The following NRG3 variants were observed in gnomAD, a reference collection of about 807,000 sequenced individuals.
The protein encoded by NRG3 is pro-neuregulin-3, membrane-bound isoform.
In NRG3, 31 loss-of-function variants were observed where a neutral mutation model predicts 66.9. The ratio of observed to expected loss-of-function variants is 0.46; its 90% CI spans 0.35 to 0.63. The LOEUF (loss-of-function observed/expected upper bound fraction) is 0.63, where lower values mean the gene tolerates loss of function less well. NRG3 is among the 20% of genes least tolerant of loss of function. NRG3 has a pLI of 0.00. For synonymous variants in NRG3, 393 were observed against 359.4 expected, an observed-to-expected ratio of 1.09 and a Z score of -1.06; for missense variants, 910 against 878.9, an observed-to-expected ratio of 1.04 and a Z score of -0.45.
At position 82,486,202 on chromosome 10, in the gene NRG3, A is replaced by G. The variant is rs555585092; in HGVS notation, c.953+127334A>G. On this transcript the variant is annotated intron_variant, in intron 2 of 8. Transcript: ENST00000372141. ...GGAGAAATTGGAACCCTTGTATATTATTGGTGGGACTGTAAAATAGTGCAG... is the reference window on the plus strand; with the variant it reads ...GGAGAAATTGGAACCCTTGTATATTGTTGGTGGGACTGTAAAATAGTGCAG... Among the ~76,000 whole-genome samples, 420 of 152,342 alleles carry G rather than the reference A, an allele frequency of 2.8e-3. 1 individual carries two copies. The highest frequency in any genetic ancestry group is 9.7e-3 in the African/African-American group (402 of 41,588).
chr10:81,884,579 A>T (rs935986286), intron 1 of NRG3, among the ~76,000 whole-genome samples: 1 of 152,240 alleles, frequency 6.6e-6, no homozygotes, highest in African/African-American at 2.4e-5. Flanking sequence ...AATAAGAAAC[A>T]AGTATAGTAT....
chr10:81,986,466 T>G (rs893353922), intron 1 of NRG3, among the ~76,000 whole-genome samples: 1 of 152,058 alleles, frequency 6.6e-6, no homozygotes, highest in South Asian at 2.1e-4. Flanking sequence ...TTAGTACAAA[T>G]CATGAAACCT....
In NRG3 at chr10:82,545,377, ATT is replaced by A. The variant is rs745968047; in HGVS notation, c.953+186527_953+186528del. ...TTTTTAAAGTAATCTTGCTAATAGC[ATT>A]TTTTTTTTTTTTTTTTTGAGACGGA... On this transcript the variant is annotated intron_variant, in intron 2 of 8. Coordinates refer to ENST00000372141, the MANE Select transcript of NRG3 (RefSeq NM_001010848.4). Among the ~76,000 whole-genome samples the A allele has an allele frequency of 9.1e-3, 1,188 of 130,892 alleles. 14 individuals carry two copies. The highest frequency in any genetic ancestry group is 0.03 in the African/African-American group (1,012 of 33,798). The allele number at this position is 130,892 out of a possible 152,430, so 85.9% of individuals were successfully genotyped here.
At chr10:82,071,822 G>T (rs2064821595) in intron 1 of NRG3, among the ~76,000 whole-genome samples, 1 of 152,178 alleles carries the variant, frequency 6.6e-6, no homozygotes, top group Admixed American at 6.5e-5. Context: ...AAAAGATGTT[G>T]GGAATGTGAG....
chr10:82,700,714 T>C (rs1049385774), intron 2 of NRG3, among the ~76,000 whole-genome samples: 1 of 152,124 alleles, frequency 6.6e-6, no homozygotes, highest in Non-Finnish European at 1.5e-5. Flanking sequence ...ATGCTTTTGT[T>C]TTTTCAAAGT....
chr10:82,295,550 A>G (rs1052375211), intron 1 of NRG3, among the ~76,000 whole-genome samples: 1 of 152,176 alleles, frequency 6.6e-6, no homozygotes, highest in African/African-American at 2.4e-5. Context: ...GTCGTCTTCC[A>G]TACCGCTGGA....
intron 1 of NRG3, among the ~76,000 whole-genome samples, chr10:82,262,319 G>T (rs1012044504): frequency 6.6e-6 from 1 of 152,134 alleles, no homozygotes; most frequent in Non-Finnish European, 1.5e-5. Flanking sequence ...CATGTTTTAT[G>T]CTTCGATTTG....
At chr10:82,773,739 T>C (rs1565300291) in intron 3 of NRG3, among the ~76,000 whole-genome samples, 1 of 152,180 alleles carries the variant, frequency 6.6e-6, no homozygotes, top group African/African-American at 2.4e-5. Flanking sequence ...TCCAGTACTA[T>C]GTTGAATAGA....
At chr10:82,787,685 C>T (rs2060425290) in intron 3 of NRG3, among the ~76,000 whole-genome samples, 1 of 152,168 alleles carries the variant, frequency 6.6e-6, no homozygotes, top group Non-Finnish European at 1.5e-5. Context: ...TTTTGCAGAT[C>T]CCTGGAGTCC....
intron 2 of NRG3, among the ~76,000 whole-genome samples, chr10:82,598,011 T>G (rs1166770040): frequency 6.6e-6 from 1 of 152,168 alleles, no homozygotes; most frequent in Non-Finnish European, 1.5e-5. Flanking sequence ...TAACATGTGA[T>G]TTGTGATCTT....
chr10:82,721,130 T>C (rs1287726456), intron 2 of NRG3, among the ~76,000 whole-genome samples: 3 of 105,434 alleles, frequency 2.8e-5, no homozygotes, highest in Non-Finnish European at 5.7e-5. Flanking sequence ...ACCCTTTTTT[T>C]TTTTTTTTTT....
intron 7 of NRG3, among the ~76,000 whole-genome samples, chr10:82,976,423 G>A (rs1342801888): frequency 2.0e-5 from 3 of 152,176 alleles, no homozygotes; most frequent in African/African-American, 7.2e-5. Flanking sequence ...TTCAGTGACA[G>A]AGAGGACCCT....
chr10:82,185,515 A>C (rs1277461748), intron 1 of NRG3, among the ~76,000 whole-genome samples: 1 of 152,184 alleles, frequency 6.6e-6, no homozygotes, highest in Non-Finnish European at 1.5e-5. Flanking sequence ...ACAATTCCAA[A>C]TTGACATCAG....
At chr10:82,803,668 G>A (rs1448818762) in intron 3 of NRG3, among the ~76,000 whole-genome samples, 1 of 152,162 alleles carries the variant, frequency 6.6e-6, no homozygotes, top group African/African-American at 2.4e-5. Context: ...TTATTCCGGT[G>A]TTGAGGAAAG....
intron 1 of NRG3, among the ~76,000 whole-genome samples, chr10:82,339,201 TG>T (rs2082549745): frequency 6.6e-6 from 1 of 152,200 alleles, no homozygotes; most frequent in South Asian, 2.1e-4. Flanking sequence ...TTTAAACAAA[TG>T]TGACATTTTA....
At chr10:82,140,284 A>G (rs1309018575) in intron 1 of NRG3, among the ~76,000 whole-genome samples, 1 of 152,080 alleles carries the variant, frequency 6.6e-6, no homozygotes, top group Admixed American at 6.6e-5. Flanking sequence ...ATCTGGTTTT[A>G]CAATCATTTT....
intron 3 of NRG3, among the ~76,000 whole-genome samples, chr10:82,823,359 G>A (rs956963668): frequency 1.3e-5 from 2 of 152,184 alleles, no homozygotes; most frequent in Non-Finnish European, 2.9e-5. Context: ...GCAGGGATAG[G>A]CTTTGGGAAC....
intron 2 of NRG3, among the ~76,000 whole-genome samples, chr10:82,526,399 T>C (rs1332407899): frequency 2.6e-5 from 4 of 151,780 alleles, no homozygotes; most frequent in African/African-American, 9.7e-5. Context: ...GAAATGTATT[T>C]ACAATGAAAT....
chr10:81,937,251 T>C (rs2133059115), intron 1 of NRG3, among the ~76,000 whole-genome samples: 1 of 152,288 alleles, frequency 6.6e-6, no homozygotes, highest in South Asian at 2.1e-4. Flanking sequence ...TGTGCAAATG[T>C]CTCCTTGAGG....
Sources: gnomAD v4.1 joint callset for allele counts (sites outside exome capture counted in the v4.1 genomes callset) on GRCh38, gnomAD v4.1.1 for gene constraint, MANE v1.5 for transcripts, NCBI Gene and HGNC (gene_info 2026-07-23, HGNC 2026-07-21) for gene names.